Variants in OPCML observed in about 807,000 individuals in gnomAD.
OPCML encodes the protein opioid-binding protein/cell adhesion molecule.
Under a neutral mutation model 37.8 loss-of-function variants are expected in OPCML, and 13 were observed. The observed-to-expected ratio is 0.34, with a 90% CI of 0.22 to 0.55. The LOEUF (loss-of-function observed/expected upper bound fraction) is 0.55, where lower values mean the gene tolerates loss of function less well. OPCML is among the 20% of genes least tolerant of loss of function. The pLI, the probability that OPCML is intolerant of heterozygous loss-of-function variation, is 0.91. For missense variants in OPCML, 341 were observed against 435.6 expected, an observed-to-expected ratio of 0.78 and a Z score of 1.93; for synonymous variants, 176 against 168.8, an observed-to-expected ratio of 1.04 and a Z score of -0.33.
At chr11:132,969,343 G>T (rs1946288422) in intron 1 of OPCML, among the ~76,000 whole-genome samples, 4 of 152,116 alleles carry the variant, frequency 2.6e-5, no homozygotes, top group Admixed American at 2.0e-4. Context: ...TTCTCTTGCT[G>T]CTTCCAACAT....
At chr11:133,005,495 C>CA (rs1947092079) in intron 1 of OPCML, 1 of 985,286 alleles carries the variant, frequency 1.0e-6, no homozygotes, top group African/African-American at 1.7e-5. Flanking sequence ...TAGGGCAGGT[C>CA]ATATTTGGTA....
At chr11:133,248,447 T>G (rs1195114368) in intron 1 of OPCML, among the ~76,000 whole-genome samples, 1 of 152,244 alleles carries the variant, frequency 6.6e-6, no homozygotes, top group Non-Finnish European at 1.5e-5. Context: ...TGATGATTTT[T>G]CTCTGTAAAT....
intron 2 of OPCML, among the ~76,000 whole-genome samples, chr11:132,682,479 C>T (rs1459299901): frequency 1.3e-5 from 2 of 152,154 alleles, no homozygotes; most frequent in Non-Finnish European, 2.9e-5. Context: ...CTTTCAAACC[C>T]TTGCTAAAAG....
At chr11:132,427,267 A>T (rs2095980722) in intron 7 of OPCML, among the ~76,000 whole-genome samples, 1 of 152,198 alleles carries the variant, frequency 6.6e-6, no homozygotes, top group Non-Finnish European at 1.5e-5. Context: ...TAGGTTTTGT[A>T]AGTATGATTA....
rs11825828 is a variant in OPCML at position 133,141,101 on chromosome 11, A to C, written c.62-198091T>G. Among the ~76,000 whole-genome samples the C allele has an allele frequency of 3.6e-5, 5 of 139,694 alleles. 1 individual carries two copies. Among genetic ancestry groups the C allele is most frequent in the African/African-American group, 7.7e-5 (3 of 38,876 alleles). The allele number at this position is 139,694 out of a possible 152,430, so 91.6% of individuals were successfully genotyped here. ...GAAGAAGAAGAAGAAGAAGGAGAAG[A>C]AGAAGCAGCTGAATGCCAAAGTGTG... On this transcript the variant is annotated intron_variant, in intron 1 of 7. Transcript: ENST00000524381.
At chr11:132,925,185 T>TC (rs1426863272) in intron 2 of OPCML, among the ~76,000 whole-genome samples, 3 of 152,222 alleles carry the variant, frequency 2.0e-5, no homozygotes, top group Non-Finnish European at 4.4e-5. Context: ...GTCCATTTTT[T>TC]CCCAATATTC....
chr11:133,365,024 CCTCT>C (rs779400997), intron 1 of OPCML, among the ~76,000 whole-genome samples: 53 of 146,214 alleles, frequency 3.6e-4, no homozygotes, highest in Middle Eastern at 6.9e-3. Flanking sequence ...CCCACTGCTG[CCTCT>C]CTCTCTATCT....
intron 2 of OPCML, among the ~76,000 whole-genome samples, chr11:132,776,814 G>A (rs542686309): frequency 1.1e-4 from 16 of 152,196 alleles, no homozygotes; most frequent in South Asian, 4.1e-4. Context: ...GTTAGGTAAC[G>A]TGCCCAGGAC....
intron 2 of OPCML, among the ~76,000 whole-genome samples, chr11:132,818,205 T>C (rs1049759735): frequency 6.6e-6 from 1 of 152,158 alleles, no homozygotes; most frequent in Admixed American, 6.5e-5. Flanking sequence ...CTTGATTCAT[T>C]TCCTAGATTT....
intron 2 of OPCML, among the ~76,000 whole-genome samples, chr11:132,666,310 G>A (rs573117724): frequency 6.6e-6 from 1 of 152,228 alleles, no homozygotes; most frequent in South Asian, 2.1e-4. Context: ...GCAAGAGAGG[G>A]AGCAAGAAAG....
chr11:133,230,297 T>C (rs1417751427), intron 1 of OPCML, among the ~76,000 whole-genome samples: 2 of 152,202 alleles, frequency 1.3e-5, no homozygotes, highest in Non-Finnish European at 2.9e-5. Context: ...GTGGGGCTCA[T>C]GGGCAGAGGT....
intron 3 of OPCML, among the ~76,000 whole-genome samples, chr11:132,570,482 A>G (rs778104446): frequency 6.6e-6 from 1 of 152,076 alleles, no homozygotes; most frequent in Admixed American, 6.6e-5. Flanking sequence ...TAATGCAATT[A>G]TTAAATACCA....
chr11:133,002,642 T>A (rs1032689754), intron 1 of OPCML, among the ~76,000 whole-genome samples: 4 of 152,210 alleles, frequency 2.6e-5, no homozygotes, highest in African/African-American at 9.6e-5. Context: ...TAAGACATAA[T>A]CATAAGGCTA....
intron 2 of OPCML, among the ~76,000 whole-genome samples, chr11:132,940,729 T>G (rs1945548979): frequency 6.6e-6 from 1 of 152,146 alleles, no homozygotes; most frequent in Admixed American, 6.5e-5. Flanking sequence ...TTATTTTCTT[T>G]TAGGAAACAC....
At chr11:133,418,443 A>G (rs1402934039) in intron 1 of OPCML, 2 of 985,284 alleles carry the variant, frequency 2.0e-6, no homozygotes, top group Non-Finnish European at 1.2e-6. Flanking sequence ...GGAGTCTTAA[A>G]TGACTTTGGT....
At chr11:133,190,286 TG>T (rs1278974702) in intron 1 of OPCML, among the ~76,000 whole-genome samples, 1 of 152,186 alleles carries the variant, frequency 6.6e-6, no homozygotes, top group African/African-American at 2.4e-5. Flanking sequence ...CAAGTATAAT[TG>T]TAGCCTTTTC....
chr11:133,519,392 A>G (rs1171113088), intron 1 of OPCML, among the ~76,000 whole-genome samples: 1 of 152,214 alleles, frequency 6.6e-6, no homozygotes, highest in African/African-American at 2.4e-5. Context: ...AGATCTGTTG[A>G]TGGTGAAGCA....
At chr11:132,845,727 T>C (rs935266670) in intron 2 of OPCML, among the ~76,000 whole-genome samples, 4 of 152,236 alleles carry the variant, frequency 2.6e-5, no homozygotes, top group Non-Finnish European at 4.4e-5. Flanking sequence ...TTCCCGTCAC[T>C]CTGTCACTAT....
intron 2 of OPCML, among the ~76,000 whole-genome samples, chr11:132,809,963 C>T (rs1939240064): frequency 6.6e-6 from 1 of 152,190 alleles, no homozygotes; most frequent in Non-Finnish European, 1.5e-5. Context: ...CATTCTCCTG[C>T]CTCAGCCTCC....
Sources: allele counts gnomAD v4.1 joint callset (sites outside exome capture counted in the v4.1 genomes callset), GRCh38; gene constraint gnomAD v4.1.1; transcripts MANE v1.5; gene names NCBI Gene and HGNC (gene_info 2026-07-23, HGNC 2026-07-21).